TMEM135: variants seen among roughly 807,000 people sequenced by gnomAD.
TMEM135 encodes peroxisomal membrane protein 52.
A neutral mutation model predicts 60.3 loss-of-function variants in TMEM135; 30 were observed. That is an observed-to-expected ratio of 0.50 (90% CI 0.37 to 0.68). The LOEUF (loss-of-function observed/expected upper bound fraction) is 0.68. TMEM135 is among the 30% of genes least tolerant of loss of function. TMEM135 has a pLI of 0.00. For synonymous variants in TMEM135, 190 were observed against 186.7 expected (o/e 1.02, Z -0.14); for missense variants, 468 against 548.8 (o/e 0.85, Z 1.47).
At position 87,325,489 on chromosome 11, in the gene TMEM135, GCT is replaced by G. The variant is rs746245515; in HGVS notation, c.*4168_*4169del. ...ATTATTCTGTTGCTGTTTTATGTGGGCTCTCTCTCTCTCCCTCTCTCTCTCTC... is the reference window on the plus strand; with the variant it reads ...ATTATTCTGTTGCTGTTTTATGTGGGCTCTCTCTCTCCCTCTCTCTCTCTC... On this transcript the variant is annotated 3_prime_UTR_variant, in exon 15 of 15. Transcript: ENST00000305494. The G allele has an allele frequency of 2.2e-6, 1 of 453,264 alleles. No individual in the cohort carries two copies. Among genetic ancestry groups the G allele is most frequent in the Admixed American group, 2.4e-5 (1 of 42,448 alleles). The allele number at this position is 453,264 out of a possible 1,614,324, so 28.1% of individuals were successfully genotyped here.
intron 3 of TMEM135, among the ~76,000 whole-genome samples, chr11:87,080,665 A>T (rs1856971185): frequency 6.6e-6 from 1 of 151,764 alleles, no homozygotes; most frequent in Non-Finnish European, 1.5e-5. Flanking sequence ...ATTTGTTCTG[A>T]AGTTTATTTT....
chr11:87,056,183 C>A (rs1158305310), intron 1 of TMEM135, among the ~76,000 whole-genome samples: 4 of 152,154 alleles, frequency 2.6e-5, no homozygotes, highest in African/African-American at 9.7e-5. Context: ...GGATATCTGG[C>A]CACTACCAAG....
intron 4 of TMEM135, among the ~76,000 whole-genome samples, chr11:87,105,066 C>T (rs1170327389): frequency 6.6e-6 from 1 of 152,056 alleles, no homozygotes; most frequent in African/African-American, 2.4e-5. Flanking sequence ...TCATATATGG[C>T]CTTTATTGTG....
intron 4 of TMEM135, among the ~76,000 whole-genome samples, chr11:87,102,675 GAT>G (rs755278642): frequency 8.4e-5 from 12 of 143,148 alleles, no homozygotes; most frequent in African/African-American, 1.6e-4. Context: ...GTGATGTTTT[GAT>G]ATATATATGT....
chr11:87,274,011 A>T (rs1941921150), intron 6 of TMEM135, among the ~76,000 whole-genome samples: 1 of 152,126 alleles, frequency 6.6e-6, no homozygotes, highest in African/African-American at 2.4e-5. Context: ...AGTGTTTTTA[A>T]ACAAGGATAC....
intron 4 of TMEM135, chr11:87,094,773 GT>G: frequency 5.1e-6 from 1 of 196,610 alleles, no homozygotes; most frequent in South Asian, 1.2e-4. Context: ...GCTCCCAGAT[GT>G]TTGAATTTTT....
Position 87,112,113 on chromosome 11 carries a change from G to A in TMEM135, c.396+20718G>A, listed in dbSNP as rs1857767758. 2.0e-5 allele frequency among the ~76,000 whole-genome samples: 3 copies of A among 152,046 alleles called. No individual in the cohort carries two copies. The South Asian group carries it at 6.2e-4, about 32-fold the overall frequency. The stretch of plus-strand genomic sequence containing the variant: ...TATTTATGGTTTTTTAATTAATGTT[G>A]AATCTAAAGGGCTGGATATAATAGC... On this transcript the variant is annotated intron_variant, in intron 4 of 14. Coordinates refer to ENST00000305494, the MANE Select transcript of TMEM135 (RefSeq NM_022918.4).
At chr11:87,146,457 A>G (rs890720926) in intron 4 of TMEM135, among the ~76,000 whole-genome samples, 1 of 152,116 alleles carries the variant, frequency 6.6e-6, no homozygotes, top group South Asian at 2.1e-4. Flanking sequence ...TTTATTTTTT[A>G]GAAAATAAAA....
At chr11:87,299,284 T>C (rs1178094607) in intron 7 of TMEM135, among the ~76,000 whole-genome samples, 1 of 152,206 alleles carries the variant, frequency 6.6e-6, no homozygotes, top group Admixed American at 6.5e-5. Flanking sequence ...CTTACAATCA[T>C]GGCAGAAGGC....
At chr11:87,222,181 C>CAAAA (rs386374401) in intron 5 of TMEM135, among the ~76,000 whole-genome samples, 16,790 of 54,962 alleles carry the variant, frequency 0.31, 3,537 homozygotes, top group Non-Finnish European at 0.43. Context: ...GACTCTGTCT[C>CAAAA]AAAAAAAAAA....
chr11:87,151,908 A>G (rs1030366851), intron 4 of TMEM135, among the ~76,000 whole-genome samples: 2 of 152,134 alleles, frequency 1.3e-5, no homozygotes, highest in Non-Finnish European at 2.9e-5. Flanking sequence ...CTTCTGCCCT[A>G]ATTATCCTAC....
intron 4 of TMEM135, among the ~76,000 whole-genome samples, chr11:87,108,463 C>A (rs1469783823): frequency 6.6e-6 from 1 of 151,886 alleles, no homozygotes; most frequent in Non-Finnish European, 1.5e-5. Flanking sequence ...CTCTCTTAGA[C>A]TAGCTAAGGG....
intron 1 of TMEM135, among the ~76,000 whole-genome samples, chr11:87,061,336 A>G (rs1949945250): frequency 6.6e-6 from 1 of 152,204 alleles, no homozygotes; most frequent in Non-Finnish European, 1.5e-5. Context: ...TTTAGAAAGT[A>G]GAGGGCAGGG....
intron 4 of TMEM135, among the ~76,000 whole-genome samples, chr11:87,147,845 C>T (rs1938457364): frequency 6.6e-6 from 1 of 151,998 alleles, no homozygotes; most frequent in Non-Finnish European, 1.5e-5. Context: ...GCAACCTCCA[C>T]CTCCTGGGTT....
At chr11:87,300,853 C>T (rs1196867639) in intron 7 of TMEM135, among the ~76,000 whole-genome samples, 3 of 152,188 alleles carry the variant, frequency 2.0e-5, no homozygotes, top group Non-Finnish European at 4.4e-5. Flanking sequence ...AGATTATCCC[C>T]TTATTCTGGC....
intron 3 of TMEM135, among the ~76,000 whole-genome samples, chr11:87,088,609 G>C (rs937604071): frequency 6.6e-5 from 10 of 152,200 alleles, no homozygotes; most frequent in African/African-American, 2.4e-4. Flanking sequence ...TTTTCTATTA[G>C]TTCGGTCTAT....
chr11:87,061,844 T>C (rs1353933085), intron 1 of TMEM135, among the ~76,000 whole-genome samples: 1 of 152,198 alleles, frequency 6.6e-6, no homozygotes, highest in African/African-American at 2.4e-5. Flanking sequence ...TACTTCTAAA[T>C]TGGGGGCCTG....
At chr11:87,291,999 C>T (rs940992301) in intron 6 of TMEM135, among the ~76,000 whole-genome samples, 1 of 152,140 alleles carries the variant, frequency 6.6e-6, no homozygotes, top group Non-Finnish European at 1.5e-5. Context: ...CTACTTCCCT[C>T]CCCTATTTTG....
chr11:87,244,750 T>C (rs1941220279), intron 6 of TMEM135, among the ~76,000 whole-genome samples: 1 of 148,002 alleles, frequency 6.8e-6, no homozygotes, highest in Non-Finnish European at 1.5e-5. Flanking sequence ...TTTTCTTCTT[T>C]ATTAGTCTTG....
Sources: gnomAD v4.1 joint callset for allele counts (sites outside exome capture counted in the v4.1 genomes callset) on GRCh38, gnomAD v4.1.1 for gene constraint, MANE v1.5 for transcripts, NCBI Gene and HGNC (gene_info 2026-07-23, HGNC 2026-07-21) for gene names.